The following GUCD1 variants were observed in gnomAD, a reference collection of about 807,000 sequenced individuals.
GUCD1 encodes protein GUCD1.
A neutral mutation model predicts 28.3 loss-of-function variants in GUCD1; 17 were observed. That is an observed-to-expected ratio of 0.60 (90% CI 0.41 to 0.90). The LOEUF (loss-of-function observed/expected upper bound fraction) is 0.90, where lower values mean the gene tolerates loss of function less well. Ranked by LOEUF, GUCD1 falls within the 40% of genes least tolerant of loss-of-function variation. The pLI is 0.00. For synonymous variants in GUCD1, 129 were observed against 123.3 expected (o/e 1.05, Z -0.30); for missense variants, 279 against 305.5 (o/e 0.91, Z 0.65).
intron 1 of GUCD1, among the ~76,000 whole-genome samples, chr22:24,552,651 T>A (rs2044910165): frequency 1.3e-5 from 2 of 151,696 alleles, no homozygotes; most frequent in Non-Finnish European, 2.9e-5. Context: ...GAGCCTCTTA[T>A]CCCAGCTACT....
chr22:24,544,782 C>T (rs1182307810), intron 4 of GUCD1, among the ~76,000 whole-genome samples: 2 of 152,090 alleles, frequency 1.3e-5, no homozygotes, highest in Non-Finnish European at 2.9e-5. Flanking sequence ...GAGGCCAAAG[C>T]GGAAGGATCG....
chr22:24,546,547 C>T (rs984950505), intron 4 of GUCD1, among the ~76,000 whole-genome samples: 1 of 152,224 alleles, frequency 6.6e-6, no homozygotes, highest in African/African-American at 2.4e-5. Context: ...TTCCCCATCC[C>T]TTGTCAATCA....
intron 1 of GUCD1, 101 bp downstream of exon 1, chr22:24,554,848 C>T: frequency 1.1e-6 from 1 of 871,712 alleles, no homozygotes; most frequent in Non-Finnish European, 1.8e-6. Context: ...GGGGGCGAGG[C>T]GGGAGTCGGC....
rs2044627283 is a variant in GUCD1, at chr22:24,542,897, G to C, written c.*109C>G. The stretch of plus-strand genomic sequence containing the variant: ...CTCTGCCAGATGGGCTGAGGCTGCA[G>C]TTCCACATTCCAACCCCAGCAGCCC... On this transcript the variant is annotated 3_prime_UTR_variant, in exon 6 of 6. Transcript: ENST00000435822. 1.4e-5 allele frequency: 11 copies of C among 774,094 alleles called. No homozygotes were observed. The East Asian group carries it at 2.7e-4, about 19-fold the overall frequency. 48.0% of individuals were successfully genotyped at this position (774,094 alleles called of 1,614,324 possible).
At chr22:24,546,108 C>A (rs1036642581) in intron 4 of GUCD1, among the ~76,000 whole-genome samples, 1 of 151,940 alleles carries the variant, frequency 6.6e-6, no homozygotes, top group African/African-American at 2.4e-5. Flanking sequence ...ACTACAGGCG[C>A]CTGCCACCAC....
chr22:24,551,282 G>A (rs542388582), intron 1 of GUCD1, among the ~76,000 whole-genome samples: 3 of 152,242 alleles, frequency 2.0e-5, no homozygotes, highest in East Asian at 1.9e-4. Context: ...TACCCAGGCC[G>A]TTCACTCAAG....
chr22:24,541,828 C>G lies in GUCD1; in HGVS notation c.*1178G>C. 6.6e-6 allele frequency: 1 copy of G among 152,238 alleles called. No homozygotes were observed. The highest frequency in any genetic ancestry group is 1.9e-4 in the East Asian group (1 of 5,192). 9.4% of individuals were successfully genotyped at this position (152,238 alleles called of 1,614,324 possible). On this transcript the variant is annotated 3_prime_UTR_variant, in exon 6 of 6. Transcript: ENST00000435822. ...CTGAAAAAGAACTTGAGCTGGCTAA[C>G]TGCCCTGTGCAGAGGTGTTAGTGGT...
intron 1 of GUCD1, among the ~76,000 whole-genome samples, chr22:24,552,266 A>G (rs1433511902): frequency 1.3e-5 from 2 of 152,200 alleles, no homozygotes; most frequent in Admixed American, 6.5e-5. Flanking sequence ...GTTTCAGACC[A>G]GTTCGAGCAA....
chr22:24,554,831 C>A (rs910506647), intron 1 of GUCD1, 118 bp downstream of exon 1: 9 of 732,758 alleles, frequency 1.2e-5, no homozygotes, highest in African/African-American at 1.9e-5. Flanking sequence ...TGGAACCAGG[C>A]GGGTGTGGGG....
intron 1 of GUCD1, among the ~76,000 whole-genome samples, chr22:24,554,689 G>C (rs1243836788): frequency 6.6e-6 from 1 of 152,240 alleles, no homozygotes; most frequent in Non-Finnish European, 1.5e-5. Context: ...GGTTTCCCAA[G>C]GCATGGGAGC....
chr22:24,545,810 C>A (rs1425984233), intron 4 of GUCD1, among the ~76,000 whole-genome samples: 1 of 151,706 alleles, frequency 6.6e-6, no homozygotes, highest in Admixed American at 6.6e-5. Context: ...TCACCATGAT[C>A]TCGATCTCCT....
Position 24,543,981 on chromosome 22 carries a change from A to G in GUCD1, c.489T>C (p.Pro163=), listed in dbSNP as rs1241128816. Residue 163 remains proline, a synonymous_variant, in exon 5 of 6, where the codon CCT becomes CCC. Transcript: ENST00000435822. ...GVLHCDLCSS[P]VKYCCFTPSG... is the part of the protein sequence containing the mutation. ...TGGGGGTGAAGCAGCAGTACTTGAC[A>G]GGGCTGGAGCACAGGTCACAGTGCA... The G allele has an allele frequency of 6.2e-7, 1 of 1,614,012 alleles. No individual in the cohort carries two copies. Among genetic ancestry groups the G allele is most frequent in the Middle Eastern group, 1.6e-4 (1 of 6,062 alleles).
At chr22:24,547,341 G>A in intron 3 of GUCD1, 1 of 297,002 alleles carries the variant, frequency 3.4e-6, no homozygotes, top group Non-Finnish European at 6.5e-6. Flanking sequence ...AAGCAAGGGG[G>A]ATGAGGCTGA....
chr22:24,544,108 G>A (rs951282111), intron 4 of GUCD1, 25 bp from the exon 5 acceptor site: 2 of 1,598,754 alleles, frequency 1.3e-6, no homozygotes, highest in South Asian at 1.1e-5. Flanking sequence ...GGGGTCAGCT[G>A]GTGCTGCTGG....
upstream of GUCD1, chr22:24,555,469 G>T (rs78953323): frequency 2.1e-4 from 251 of 1,170,628 alleles, 1 homozygote; most frequent in African/African-American, 3.2e-3. Flanking sequence ...CTAGGTGTAA[G>T]CCCTGATCCC....
upstream of GUCD1, chr22:24,555,546 G>C: frequency 8.7e-6 from 13 of 1,490,448 alleles, no homozygotes; most frequent in South Asian, 1.6e-4. Flanking sequence ...CCCTGAGCGG[G>C]CAGCCGCTCT....
chr22:24,553,893 G>A (rs1601554716), intron 1 of GUCD1, among the ~76,000 whole-genome samples: 1 of 152,360 alleles, frequency 6.6e-6, no homozygotes, highest in East Asian at 1.9e-4. Flanking sequence ...CTTGGCATCT[G>A]TCCCCATAAC....
intron 4 of GUCD1, among the ~76,000 whole-genome samples, chr22:24,545,198 T>C (rs1267630547): frequency 1.3e-5 from 2 of 152,156 alleles, no homozygotes; most frequent in East Asian, 3.9e-4. Flanking sequence ...CTGACCCAGC[T>C]TCAGCCACAG....
chr22:24,546,732 A>C (rs1334547710), intron 4 of GUCD1, among the ~76,000 whole-genome samples, 182 bp downstream of exon 4: 2 of 152,146 alleles, frequency 1.3e-5, no homozygotes, highest in Non-Finnish European at 2.9e-5. Flanking sequence ...ATGTAGCCCC[A>C]GTGAGCTCCA....
Sources: gnomAD v4.1 joint callset for allele counts (sites outside exome capture counted in the v4.1 genomes callset) on GRCh38, gnomAD v4.1.1 for gene constraint, MANE v1.5 for transcripts, NCBI Gene and HGNC (gene_info 2026-07-23, HGNC 2026-07-21) for gene names.